Variants in VEPH1 observed in about 807,000 individuals in gnomAD.
VEPH1 encodes the protein ventricular zone-expressed PH domain-containing protein homolog 1.
In VEPH1, 80 loss-of-function variants were observed where a neutral mutation model predicts 85.2. That is an observed-to-expected ratio of 0.94 (90% CI 0.78 to 1.13). The LOEUF (loss-of-function observed/expected upper bound fraction) is 1.13, where lower values mean the gene tolerates loss of function less well. Ranked by LOEUF, VEPH1 falls within the 50% of genes most tolerant of loss-of-function variation. The probability of loss-of-function intolerance (pLI) is 0.00; values close to 1 mark genes in which losing one functional copy is unlikely to be tolerated. For missense variants in VEPH1, 955 were observed against 980.5 expected, an observed-to-expected ratio of 0.97 and a Z score of 0.35; for synonymous variants, 297 against 348.0, an observed-to-expected ratio of 0.85 and a Z score of 1.63.
intron 9 of VEPH1, among the ~76,000 whole-genome samples, chr3:157,357,046 CA>C (rs948265333): frequency 2.6e-5 from 4 of 152,082 alleles, no homozygotes; most frequent in African/African-American, 7.2e-5. Context: ...TAATACATTT[CA>C]AAAATATATT....
Position 157,260,189 on chromosome 3 carries a change from T to A in VEPH1, c.*945A>T, listed in dbSNP as rs1159767320. On this transcript the variant is annotated 3_prime_UTR_variant, in exon 14 of 14. Coordinates refer to ENST00000362010, the MANE Select transcript of VEPH1 (RefSeq NM_001167912.2). ...CCATATTCTGTTGGTTAGAAGCAGGTTACATGTCCCACCCACACTCAATGG... is the reference window on the plus strand; with the variant it reads ...CCATATTCTGTTGGTTAGAAGCAGGATACATGTCCCACCCACACTCAATGG... The A allele has an allele frequency of 6.6e-6, 1 of 152,154 alleles. No individual in the cohort carries two copies. The allele number at this position is 152,154 out of a possible 1,614,324, so 9.4% of individuals were successfully genotyped here.
intron 7 of VEPH1, among the ~76,000 whole-genome samples, chr3:157,365,458 T>C (rs1356578824): frequency 6.6e-6 from 1 of 152,152 alleles, no homozygotes. Context: ...TACCAACTAA[T>C]TCTCCAACCC....
At chr3:157,458,535 A>G (rs1317378490) in intron 4 of VEPH1, among the ~76,000 whole-genome samples, 3 of 152,136 alleles carry the variant, frequency 2.0e-5, no homozygotes, top group African/African-American at 7.2e-5. Flanking sequence ...CCTTTTTCAG[A>G]TGCATAGTTT....
chr3:157,355,686 T>C (rs1271479178), intron 9 of VEPH1, among the ~76,000 whole-genome samples: 2 of 152,232 alleles, frequency 1.3e-5, no homozygotes, highest in Non-Finnish European at 2.9e-5. Context: ...AAGTAGTTTT[T>C]ACTTACATGT....
chr3:157,286,237 C>A, intron 12 of VEPH1: 1 of 274,102 alleles, frequency 3.6e-6, no homozygotes, highest in Non-Finnish European at 7.1e-6. Flanking sequence ...AAGAACACAT[C>A]TTGAGAGAAC....
At chr3:157,392,795 G>A (rs1483043167) in intron 6 of VEPH1, among the ~76,000 whole-genome samples, 2 of 152,160 alleles carry the variant, frequency 1.3e-5, no homozygotes, top group Non-Finnish European at 2.9e-5. Context: ...TTGAGCCTAA[G>A]CTTCATCTGT....
At position 157,381,292 on chromosome 3, in the gene VEPH1, T is replaced by C. The variant is rs754319869; in HGVS notation, c.991A>G (p.Ile331Val). 5.0e-6 allele frequency: 8 copies of C among 1,614,144 alleles called. No individual in the cohort carries two copies. The highest frequency in any genetic ancestry group is 6.8e-6 in the Non-Finnish European group (8 of 1,180,014). The change falls in exon 7 of 14, where the codon ATT becomes GTT. Residue 331 changes from isoleucine (I) to valine (V), a missense_variant. Transcript: ENST00000362010. ...GAGAAGGTGTCGGTGATGCTTTTAA[T>C]CTCCAGCAGGAGAATATGGTGAAAC... ...HSFHHILLLE[I>V]KSITDTFSSI... is the part of the protein sequence containing the mutation.
chr3:157,372,920 T>C (rs1343941762), intron 7 of VEPH1, among the ~76,000 whole-genome samples: 1 of 152,240 alleles, frequency 6.6e-6, no homozygotes, highest in African/African-American at 2.4e-5. Context: ...CACAGTCTGA[T>C]AAGAAACAGT....
At chr3:157,417,106 T>C (rs1346714171) in intron 5 of VEPH1, among the ~76,000 whole-genome samples, 4 of 152,166 alleles carry the variant, frequency 2.6e-5, no homozygotes, top group Non-Finnish European at 5.9e-5. Flanking sequence ...AGCCTAAAGC[T>C]TGTTATGATA....
At chr3:157,391,978 T>C (rs975427636) in intron 6 of VEPH1, among the ~76,000 whole-genome samples, 5 of 152,132 alleles carry the variant, frequency 3.3e-5, no homozygotes, top group Non-Finnish European at 5.9e-5. Flanking sequence ...TACCCCGCCA[T>C]ACTAAAGCTT....
rs1349209928 is a variant in VEPH1 at position 157,374,270 on chromosome 3, TTGAAAAGAG to T, written c.1127+6877_1127+6885del. Among the ~76,000 whole-genome samples the T allele has an allele frequency of 9.5e-3, 1,454 of 152,320 alleles. 21 individuals carry two copies. Among genetic ancestry groups the T allele is most frequent in the African/African-American group, 0.033 (1,361 of 41,552 alleles). On this transcript the variant is annotated intron_variant, in intron 7 of 13. Coordinates refer to ENST00000362010, the MANE Select transcript of VEPH1 (RefSeq NM_001167912.2). ...AGTGATCACCATAGACCTCTCTAGA[TTGAAAAGAG>T]ATACTCGTTTCCTATCAAAACTCTT... is the stretch of plus-strand genomic sequence containing the variant.
intron 4 of VEPH1, among the ~76,000 whole-genome samples, chr3:157,430,099 AGGAACATT>A (rs1376626014): frequency 2.0e-5 from 3 of 152,250 alleles, no homozygotes; most frequent in Admixed American, 6.5e-5. Flanking sequence ...CAATAATATA[AGGAACATT>A]GGTGTGCCTA....
intron 9 of VEPH1, among the ~76,000 whole-genome samples, chr3:157,325,455 G>A (rs181985609): frequency 1.4e-4 from 22 of 152,084 alleles, no homozygotes; most frequent in African/African-American, 5.1e-4. Context: ...TTTTCTTCTC[G>A]GGTTTTGATA....
At chr3:157,310,838 C>A (rs1449053780) in intron 11 of VEPH1, among the ~76,000 whole-genome samples, 1 of 152,130 alleles carries the variant, frequency 6.6e-6, no homozygotes, top group East Asian at 1.9e-4. Context: ...TCCCATATTT[C>A]ATTGGCTGAA....
chr3:157,403,492 C>A (rs1369365490), intron 6 of VEPH1, among the ~76,000 whole-genome samples: 1 of 152,054 alleles, frequency 6.6e-6, no homozygotes, highest in Non-Finnish European at 1.5e-5. Flanking sequence ...GTGGCACAAT[C>A]ATAGCTCACT....
chr3:157,355,040 C>A (rs1725278643), intron 9 of VEPH1, among the ~76,000 whole-genome samples: 1 of 152,218 alleles, frequency 6.6e-6, no homozygotes, highest in South Asian at 2.1e-4. Flanking sequence ...TGTGCTCCTT[C>A]TTTCCACAGG....
intron 10 of VEPH1, chr3:157,316,023 T>C (rs1720717646): frequency 6.6e-6 from 1 of 152,116 alleles, no homozygotes; most frequent in African/African-American, 2.4e-5. Flanking sequence ...TAAATGTTCC[T>C]AAGAAGACTC....
intron 12 of VEPH1, among the ~76,000 whole-genome samples, chr3:157,279,123 C>A (rs1463612869): frequency 6.6e-6 from 1 of 152,230 alleles, no homozygotes; most frequent in East Asian, 1.9e-4. Flanking sequence ...CAGGCCAGGA[C>A]CGCATATATA....
chr3:157,280,284 C>T (rs1051454624), intron 12 of VEPH1, among the ~76,000 whole-genome samples: 1 of 152,016 alleles, frequency 6.6e-6, no homozygotes, highest in Non-Finnish European at 1.5e-5. Flanking sequence ...CAAAGCTTCT[C>T]CTCATCTATA....
Sources: allele counts gnomAD v4.1 joint callset (sites outside exome capture counted in the v4.1 genomes callset), GRCh38; gene constraint gnomAD v4.1.1; transcripts MANE v1.5; gene names NCBI Gene and HGNC (gene_info 2026-07-23, HGNC 2026-07-21).